The following PLK1 variants were observed in gnomAD, a reference collection of about 807,000 sequenced individuals.
PLK1 encodes serine/threonine-protein kinase PLK1.
Under a neutral mutation model 56.7 loss-of-function variants are expected in PLK1, and 6 were observed. That is an observed-to-expected ratio of 0.11 (90% CI 0.06 to 0.21). PLK1 has a LOEUF of 0.21. Among genes scored for constraint, PLK1 ranks in the 10% least tolerant of loss-of-function variants. The probability of loss-of-function intolerance (pLI) is 1.00; values close to 1 mark genes in which losing one functional copy is unlikely to be tolerated. For missense variants in PLK1, 546 were observed against 814.4 expected (o/e 0.67, Z 4.01); for synonymous variants, 298 against 325.0 (o/e 0.92, Z 0.89).
In PLK1 at chr16:23,687,602, G is replaced by A. The variant is rs538915550; in HGVS notation, c.1170G>A (p.Ser390=). Residue 390 remains serine (S), a synonymous_variant, in exon 6 of 10, where the codon TCG becomes TCA. Coordinates refer to ENST00000300093, the MANE Select transcript of PLK1 (RefSeq NM_005030.6). ...ACAGTGTCAATGCCTCCAAGCCCTC[G>A]GAGCGTGGGCTGGTCAGGCAAGGTG... ...QLHSVNASKP[S]ERGLVRQEEA... 1.3e-5 allele frequency: 21 copies of A among 1,592,824 alleles called. No homozygotes were observed. Among genetic ancestry groups the A allele is most frequent in the South Asian group, 1.2e-4 (11 of 88,636 alleles).
chr16:23,680,243 G>A lies in PLK1; in HGVS notation c.568G>A (p.Val190Met). 1 of 1,614,026 alleles carries A rather than the reference G, an allele frequency of 6.2e-7. No individual in the cohort carries two copies. Among genetic ancestry groups the A allele is most frequent in the Non-Finnish European group, 8.5e-7 (1 of 1,179,910 alleles). Residue 190 changes from valine (V) to methionine (M), a missense_variant, in exon 2 of 10, where the codon GTG becomes ATG. By Grantham distance (21) the Val-to-Met change is conservative. Transcript: ENST00000300093. ...CCTTTTCCTGAATGAAGATCTGGAG[G>A]TGAAAATAGGTGAGTTGCTGAGCCT... ...GNLFLNEDLE[V>M]KIGDFGLATK...
intron 6 of PLK1, among the ~76,000 whole-genome samples, chr16:23,688,177 T>C (rs1443391390): frequency 6.6e-6 from 1 of 152,214 alleles, no homozygotes; most frequent in Non-Finnish European, 1.5e-5. Context: ...AACGTAACAT[T>C]TTGATGTGTT....
Position 23,689,561 on chromosome 16 carries a change from C to T in PLK1, c.1493C>T (p.Thr498Met), listed in dbSNP as rs150875727. The T allele has an allele frequency of 6.9e-5, 111 of 1,613,726 alleles. No homozygotes were observed. In the African/African-American group the frequency reaches 9.3e-4, roughly 14 times the overall value. ...TTGCTGAAGGCAGGTGCCAACATCA[C>T]GCCGCGCGAAGGTGATGAGCTCGCC... ...EHLLKAGANI[T>M]PREGDELARL... Residue 498 changes from threonine to methionine, a missense_variant, in exon 9 of 10, where the codon ACG (threonine) becomes ATG (methionine). Physicochemically the swap from Thr to Met is moderately conservative, Grantham distance 81. Around this residue, in one of 7 missense-constraint regions of PLK1, gnomAD observed 113 missense variants for 202.0 expected, o/e 0.56. Coordinates refer to ENST00000300093, the MANE Select transcript of PLK1 (RefSeq NM_005030.6). This position sits in a 1 kb window ranked among gnomAD's most constrained non-coding sequence, Gnocchi z 4.8.
chr16:23,679,832 G>T (rs936184623), intron 1 of PLK1: 1 of 387,482 alleles, frequency 2.6e-6, no homozygotes, highest in Non-Finnish European at 4.7e-6. Context: ...CCCAGGTAAG[G>T]GGGGAAGCTA....
intron 4 of PLK1, among the ~76,000 whole-genome samples, chr16:23,682,985 CTTT>C (rs1031796646): frequency 0.032 from 2,909 of 91,236 alleles, 33 homozygotes; most frequent in Admixed American, 0.071. Flanking sequence ...TGTGCATTTT[CTTT>C]TTTTTTTTTT....
intron 4 of PLK1, 82 bp from the exon 5 acceptor site, chr16:23,683,788 G>A (rs1309401751): frequency 1.9e-6 from 2 of 1,047,666 alleles, no homozygotes; most frequent in Non-Finnish European, 3.0e-6. Flanking sequence ...TGTGGGCTGG[G>A]GACCTGCAGC....
chr16:23,684,150 G>C, intron 5 of PLK1, 61 bp downstream of exon 5: 1 of 1,333,910 alleles, frequency 7.5e-7, no homozygotes, highest in Non-Finnish European at 1.1e-6. Flanking sequence ...TTGTAGGGGT[G>C]TGTGCAGCTT....
intron 6 of PLK1, 110 bp downstream of exon 6, chr16:23,687,734 T>C: frequency 2.8e-6 from 2 of 716,496 alleles, no homozygotes; most frequent in Non-Finnish European, 4.3e-6. Flanking sequence ...CCTGTCTGCA[T>C]AGGACCATTG....
In PLK1 at chr16:23,689,113, G is replaced by A. The variant is rs1331235929; in HGVS notation, c.1271-125G>A. 1 of 823,466 alleles carries A rather than the reference G, an allele frequency of 1.2e-6. No individual in the cohort carries two copies. 51.0% of individuals were successfully genotyped at this position (823,466 alleles called of 1,614,324 possible). ...TGCCCAGGCTGGTCTCAAACTCCTG[G>A]GCTCAAACAATCCTCCTCCCTCAGC... is the stretch of plus-strand genomic sequence containing the variant. On this transcript the variant is annotated intron_variant, in intron 7 of 9. Transcript: ENST00000300093. This position sits in a 1 kb window ranked among gnomAD's most constrained non-coding sequence, Gnocchi z 4.8.
chr16:23,690,166 GC>G lies in PLK1; in HGVS notation c.*107del. 1 of 870,840 alleles carries G rather than the reference GC, an allele frequency of 1.1e-6. No homozygotes were observed. The highest frequency in any genetic ancestry group is 1.9e-6 in the Non-Finnish European group (1 of 530,978). 53.9% of individuals were successfully genotyped at this position (870,840 alleles called of 1,614,324 possible). ...TGCCATGTCTGCAGTGTGCCCCCCAGCCCCGGTGGCTGGGCAGAGCTGCATC... is the reference window on the plus strand; with the variant it reads ...TGCCATGTCTGCAGTGTGCCCCCCAGCCCGGTGGCTGGGCAGAGCTGCATC... On this transcript the variant is annotated 3_prime_UTR_variant, in exon 10 of 10. Transcript: ENST00000300093.
intron 3 of PLK1, among the ~76,000 whole-genome samples, chr16:23,681,562 T>C (rs1398329659): frequency 6.6e-6 from 1 of 152,232 alleles, no homozygotes; most frequent in Non-Finnish European, 1.5e-5. Context: ...CAGCGGTTGG[T>C]GGCAGGCAGA....
At position 23,689,880 on chromosome 16, in the gene PLK1, G is replaced by A. The variant is rs376644188; in HGVS notation, c.1629G>A (p.Leu543=). 51 of 1,613,916 alleles carry A rather than the reference G, an allele frequency of 3.2e-5. No homozygotes were observed. Among genetic ancestry groups the A allele is most frequent in the Non-Finnish European group, 4.3e-5 (51 of 1,179,942 alleles). ...NFFQDHTKLI[L]CPLMAAVTYI... Reference sequence around the variant, plus strand: ...TGCAGGATCACACCAAGCTCATCTTGTGCCCACTGATGGCAGCCGTGACCT... The same window carrying A: ...TGCAGGATCACACCAAGCTCATCTTATGCCCACTGATGGCAGCCGTGACCT... Residue 543 remains leucine (L), a synonymous_variant, in exon 10 of 10, where the codon TTG becomes TTA. Coordinates refer to ENST00000300093, the MANE Select transcript of PLK1 (RefSeq NM_005030.6). The surrounding 1 kb of genome is among the most constrained non-coding windows in gnomAD (Gnocchi z 4.8).
At position 23,680,301 on chromosome 16, in the gene PLK1, G is replaced by A. The variant is rs1382965819; in HGVS notation, c.577+49G>A. 3.2e-6 allele frequency: 5 copies of A among 1,539,262 alleles called. No individual in the cohort carries two copies. In the South Asian group the frequency reaches 5.7e-5, roughly 18 times the overall value. Reference sequence around the variant, plus strand: ...TGCTTGACATCACTACAAGAGGCTGGAATTTGGAGGAGGCTGGGAGAAAGG... The same window carrying A: ...TGCTTGACATCACTACAAGAGGCTGAAATTTGGAGGAGGCTGGGAGAAAGG... On this transcript the variant is annotated intron_variant, in intron 2 of 9. Coordinates refer to ENST00000300093, the MANE Select transcript of PLK1 (RefSeq NM_005030.6).
intron 5 of PLK1, among the ~76,000 whole-genome samples, chr16:23,685,484 A>G (rs1959411343): frequency 6.6e-6 from 1 of 151,948 alleles, no homozygotes; most frequent in African/African-American, 2.4e-5. Flanking sequence ...AGGTGGGTGG[A>G]TTGCCCGAGC....
rs1006068677 is a variant in PLK1, at chr16:23,680,270, C to T, written c.577+18C>T. On this transcript the variant is annotated intron_variant, in intron 2 of 9. Coordinates refer to ENST00000300093, the MANE Select transcript of PLK1 (RefSeq NM_005030.6). Reference sequence around the variant, plus strand: ...GAAAATAGGTGAGTTGCTGAGCCTGCAGGGGTGCTTGACATCACTACAAGA... The same window carrying T: ...GAAAATAGGTGAGTTGCTGAGCCTGTAGGGGTGCTTGACATCACTACAAGA... 4 of 1,611,288 alleles carry T rather than the reference C, an allele frequency of 2.5e-6. No individual in the cohort carries two copies. The African/African-American group carries it at 4.0e-5, about 16-fold the overall frequency.
chr16:23,683,213 C>T (rs971243850), intron 4 of PLK1, among the ~76,000 whole-genome samples: 5 of 151,790 alleles, frequency 3.3e-5, no homozygotes, highest in Non-Finnish European at 5.9e-5. Context: ...AGGATGGTCT[C>T]GATCTCCTGA....
At chr16:23,688,426 G>A (rs1959464309) in intron 6 of PLK1, among the ~76,000 whole-genome samples, 1 of 152,258 alleles carries the variant, frequency 6.6e-6, no homozygotes. Context: ...GAATGAAGGA[G>A]TGAGTGGAAC....
intron 5 of PLK1, among the ~76,000 whole-genome samples, chr16:23,684,712 T>A (rs968312326): frequency 6.6e-6 from 1 of 152,058 alleles, no homozygotes; most frequent in East Asian, 1.9e-4. Context: ...TTCCTTTTTT[T>A]TGTGGCGTGA....
Position 23,689,769 on chromosome 16 carries a change from T to C in PLK1, c.1609-91T>C, listed in dbSNP as rs1959509769. On this transcript the variant is annotated intron_variant, in intron 9 of 9. Transcript: ENST00000300093. The surrounding 1 kb of genome is among the most constrained non-coding windows in gnomAD (Gnocchi z 4.8). The stretch of plus-strand genomic sequence containing the variant: ...GTGGGTTGAATGTGGAGTGAGCGGC[T>C]CAGGTACCTATAACCTGTTGTGTCT... 1 of 1,522,658 alleles carries C rather than the reference T, an allele frequency of 6.6e-7. No homozygotes were observed. Among genetic ancestry groups the C allele is most frequent in the Non-Finnish European group, 9.0e-7 (1 of 1,107,268 alleles). The allele number at this position is 1,522,658 out of a possible 1,614,324, so 94.3% of individuals were successfully genotyped here. A position where few individuals can be genotyped will look rare whatever the true frequency, so the allele number is the denominator to read the frequency against.
Sources: gnomAD v4.1 joint callset for allele counts (sites outside exome capture counted in the v4.1 genomes callset) on GRCh38, gnomAD v4.1.1 for gene constraint, gnomAD v4.1.1 regional missense constraint, Gnocchi (gnomAD v3.1) non-coding constraint, MANE v1.5 for transcripts, NCBI Gene and HGNC (gene_info 2026-07-23, HGNC 2026-07-21) for gene names.